The following CNTNAP4 variants were observed in gnomAD, a reference collection of about 807,000 sequenced individuals.
CNTNAP4 encodes contactin-associated protein-like 4.
A neutral mutation model predicts 148.4 loss-of-function variants in CNTNAP4; 98 were observed. That is an observed-to-expected ratio of 0.66 (90% CI 0.56 to 0.78). The LOEUF is 0.78. Among genes scored for constraint, CNTNAP4 ranks in the 30% least tolerant of loss-of-function variants. CNTNAP4 has a pLI of 0.00. For synonymous variants in CNTNAP4, 730 were observed against 565.1 expected (o/e 1.29, Z -4.14); for missense variants, 1,935 against 1,565.6 (o/e 1.24, Z -3.98).
intron 1 of CNTNAP4, among the ~76,000 whole-genome samples, chr16:76,314,205 C>T (rs1187000648): frequency 6.6e-6 from 1 of 152,112 alleles, no homozygotes; most frequent in Non-Finnish European, 1.5e-5. Context: ...TTATATGAAA[C>T]ATCATAATTA....
chr16:76,509,571 T>G (rs552096503), intron 15 of CNTNAP4, among the ~76,000 whole-genome samples: 1 of 97,638 alleles, frequency 1.0e-5, no homozygotes, highest in African/African-American at 2.6e-5. Context: ...AAAAAAAGAT[T>G]ATGCGCGTTT....
intron 4 of CNTNAP4, among the ~76,000 whole-genome samples, chr16:76,438,697 T>A (rs1445900467): frequency 6.6e-6 from 1 of 151,948 alleles, no homozygotes; most frequent in Non-Finnish European, 1.5e-5. Flanking sequence ...TCTCCTACAC[T>A]CCTAACAGGC....
chr16:76,314,590 A>T (rs1326897560), intron 1 of CNTNAP4, among the ~76,000 whole-genome samples: 1 of 152,198 alleles, frequency 6.6e-6, no homozygotes, highest in East Asian at 1.9e-4. Context: ...AAAATTAGGG[A>T]TGCTTTTGTT....
intron 1 of CNTNAP4, among the ~76,000 whole-genome samples, chr16:76,298,586 G>A (rs1389942204): frequency 6.6e-6 from 1 of 150,994 alleles, no homozygotes; most frequent in African/African-American, 2.4e-5. Context: ...GTCCACCCAA[G>A]CGGAAGAATT....
At chr16:76,470,816 A>G (rs943534043) in intron 10 of CNTNAP4, among the ~76,000 whole-genome samples, 1 of 152,148 alleles carries the variant, frequency 6.6e-6, no homozygotes, top group African/African-American at 2.4e-5. Context: ...ACATGCTCAC[A>G]TTCATACCAC....
intron 15 of CNTNAP4, among the ~76,000 whole-genome samples, chr16:76,502,691 C>A (rs758318551): frequency 2.0e-5 from 3 of 151,784 alleles, no homozygotes; most frequent in African/African-American, 7.3e-5. Flanking sequence ...GAGGTAAATT[C>A]GATATGATTT....
chr16:76,357,969 G>T (rs1019564102), intron 3 of CNTNAP4, among the ~76,000 whole-genome samples: 5 of 152,132 alleles, frequency 3.3e-5, no homozygotes, highest in South Asian at 4.1e-4. Context: ...GAATGGATGT[G>T]AGTATGTCAG....
At chr16:76,441,457 A>T (rs140297400) in intron 4 of CNTNAP4, among the ~76,000 whole-genome samples, 5 of 152,146 alleles carry the variant, frequency 3.3e-5, no homozygotes, top group Non-Finnish European at 7.4e-5. Flanking sequence ...GGGAGAATTG[A>T]TATGAGAGTA....
intron 15 of CNTNAP4, among the ~76,000 whole-genome samples, chr16:76,516,380 G>A (rs974102608): frequency 6.6e-6 from 1 of 152,148 alleles, no homozygotes; most frequent in Non-Finnish European, 1.5e-5. Flanking sequence ...CTTTGCCATT[G>A]TAAATAGTGC....
In CNTNAP4 at chr16:76,355,484, A is replaced by G. The variant is rs1313526002; in HGVS notation, c.363A>G (p.Lys121=). 2 of 1,610,134 alleles carry G rather than the reference A, an allele frequency of 1.2e-6. No homozygotes were observed. The highest frequency in any genetic ancestry group is 1.1e-5 in the South Asian group (1 of 90,484). Residue 121 remains lysine (K), a synonymous_variant, in exon 3 of 24, where the codon AAA becomes AAG. Coordinates refer to ENST00000611870, the MANE Select transcript of CNTNAP4 (RefSeq NM_033401.5). Reference sequence around the variant, plus strand: ...TCAGTGATAGTGGCTGGAACTGGAAACAATATCGCCAAGAGGACAGCATCT... The same window carrying G: ...TCAGTGATAGTGGCTGGAACTGGAAGCAATATCGCCAAGAGGACAGCATCT... ...LMFSDSGWNW[K]QYRQEDSIWG... is the part of the protein sequence containing the mutation.
At chr16:76,367,700 C>G (rs553865288) in intron 3 of CNTNAP4, among the ~76,000 whole-genome samples, 1 of 152,178 alleles carries the variant, frequency 6.6e-6, no homozygotes, top group African/African-American at 2.4e-5. Context: ...TTTAAATATC[C>G]CAATAACTGT....
chr16:76,528,944 C>T (rs2083856847), intron 17 of CNTNAP4, among the ~76,000 whole-genome samples: 1 of 152,132 alleles, frequency 6.6e-6, no homozygotes, highest in East Asian at 1.9e-4. Flanking sequence ...GAACAATTAA[C>T]TTCAACTAAT....
chr16:76,317,449 T>C (rs1961914207), intron 2 of CNTNAP4, among the ~76,000 whole-genome samples: 1 of 152,188 alleles, frequency 6.6e-6, no homozygotes, highest in African/African-American at 2.4e-5. Flanking sequence ...AGAGTGTCAC[T>C]GTGATCTCTT....
At chr16:76,465,321 A>G (rs996091415) in intron 9 of CNTNAP4, among the ~76,000 whole-genome samples, 2 of 152,172 alleles carry the variant, frequency 1.3e-5, no homozygotes, top group Admixed American at 6.5e-5. Context: ...GCCTCTTATC[A>G]TAGACTAATG....
At chr16:76,403,708 A>T (rs2078500498) in intron 3 of CNTNAP4, among the ~76,000 whole-genome samples, 1 of 152,234 alleles carries the variant, frequency 6.6e-6, no homozygotes, top group Non-Finnish European at 1.5e-5. Context: ...ATGTACCCAG[A>T]AGAATATAAA....
At chr16:76,412,385 A>G (rs1002541143) in intron 3 of CNTNAP4, among the ~76,000 whole-genome samples, 11 of 151,382 alleles carry the variant, frequency 7.3e-5, no homozygotes, top group African/African-American at 2.4e-4. Flanking sequence ...GGAATTGCCA[A>G]CTCATAAAAA....
intron 2 of CNTNAP4, among the ~76,000 whole-genome samples, chr16:76,354,474 C>T (rs2012303120): frequency 1.3e-5 from 2 of 152,174 alleles, no homozygotes; most frequent in South Asian, 2.1e-4. Flanking sequence ...TTCTCTTTTC[C>T]CCCATCCTCT....
rs570328142 is a variant in CNTNAP4 at position 76,548,910 on chromosome 16, G to A, written c.3443-4373G>A. Among the ~76,000 whole-genome samples the A allele has an allele frequency of 8.5e-5, 13 of 152,258 alleles. No homozygotes were observed. In the South Asian group the frequency reaches 1.0e-3, roughly 12 times the overall value. ...ATATCTGATGCTATGTATTTCTAAG[G>A]CCAGCTTTGCTTATGAGCAACTTAA... On this transcript the variant is annotated intron_variant, in intron 21 of 23. Coordinates refer to ENST00000611870, the MANE Select transcript of CNTNAP4 (RefSeq NM_033401.5).
chr16:76,337,790 T>C (rs1391802577), intron 2 of CNTNAP4, among the ~76,000 whole-genome samples: 1 of 152,148 alleles, frequency 6.6e-6, no homozygotes, highest in Non-Finnish European at 1.5e-5. Flanking sequence ...CCCCTGGGAA[T>C]GCATTCCTTC....
Sources: allele counts gnomAD v4.1 joint callset (sites outside exome capture counted in the v4.1 genomes callset), GRCh38; gene constraint gnomAD v4.1.1; transcripts MANE v1.5; gene names NCBI Gene and HGNC (gene_info 2026-07-23, HGNC 2026-07-21).